RBFOX1: variants seen among roughly 807,000 people sequenced by gnomAD.
RBFOX1 encodes the protein RNA binding fox-1 homolog 1, also known as RNA binding protein fox-1 homolog 1.
Under a neutral mutation model 57.7 loss-of-function variants are expected in RBFOX1, and 8 were observed. That is an observed-to-expected ratio of 0.14 (90% CI 0.08 to 0.25). The LOEUF (loss-of-function observed/expected upper bound fraction) is 0.25. RBFOX1 is among the 10% of genes least tolerant of loss of function. RBFOX1 has a pLI of 1.00. For synonymous variants in RBFOX1, 326 were observed against 222.4 expected, an observed-to-expected ratio of 1.47 and a Z score of -4.15; for missense variants, 611 against 548.5, an observed-to-expected ratio of 1.11 and a Z score of -1.14.
rs192241978 is a variant in RBFOX1 at position 6,548,051 on chromosome 16, G to A, written c.-63-106552G>A. ...TGACAAGCTCAGACTATTCATCGTAGTAAGAATTGCAGGACCTACTATTAA... is the reference window on the plus strand; with the variant it reads ...TGACAAGCTCAGACTATTCATCGTAATAAGAATTGCAGGACCTACTATTAA... On this transcript the variant is annotated intron_variant, in intron 2 of 15. Coordinates refer to ENST00000550418, the MANE Select transcript of RBFOX1 (RefSeq NM_018723.4). Among the ~76,000 whole-genome samples, 122 of 152,252 alleles carry A rather than the reference G, an allele frequency of 8.0e-4. 1 individual carries two copies. The Middle Eastern group carries it at 0.017, about 21-fold the overall frequency.
intron 3 of RBFOX1, among the ~76,000 whole-genome samples, chr16:6,865,984 A>G (rs528673906): frequency 6.6e-6 from 1 of 152,332 alleles, no homozygotes; most frequent in Non-Finnish European, 1.5e-5. Context: ...ATTGAAAAAA[A>G]CAATCGGGGA....
At chr16:7,611,176 A>T (rs2057397640) in intron 10 of RBFOX1, among the ~76,000 whole-genome samples, 1 of 152,246 alleles carries the variant, frequency 6.6e-6, no homozygotes, top group East Asian at 1.9e-4. Flanking sequence ...AGAATGAGGC[A>T]TGAAAAGTTC....
At chr16:5,497,747 G>A (rs2151688304) in intron 2 of RBFOX1, among the ~76,000 whole-genome samples, 1 of 152,192 alleles carries the variant, frequency 6.6e-6, no homozygotes, top group African/African-American at 2.4e-5. Context: ...TTGCTCCACA[G>A]CACTCCAGCC....
intron 3 of RBFOX1, among the ~76,000 whole-genome samples, chr16:6,924,839 CCCCCTA>C (rs751349747): frequency 3.0e-5 from 3 of 101,512 alleles, no homozygotes; most frequent in Non-Finnish European, 4.2e-5. Context: ...CCCTCCCCCT[CCCCCTA>C]CCCCACAACA....
intron 2 of RBFOX1, among the ~76,000 whole-genome samples, chr16:6,623,327 G>A (rs1249510672): frequency 2.6e-5 from 4 of 152,148 alleles, no homozygotes; most frequent in Non-Finnish European, 1.5e-5. Context: ...GAGCAGAGAT[G>A]CTGAGAAGGG....
intron 2 of RBFOX1, among the ~76,000 whole-genome samples, chr16:5,483,274 C>G (rs969227134): frequency 6.6e-6 from 1 of 152,148 alleles, no homozygotes; most frequent in African/African-American, 2.4e-5. Flanking sequence ...AGACATGTGG[C>G]ACGTACTCCC....
chr16:6,207,601 T>C (rs1362114469), intron 1 of RBFOX1, among the ~76,000 whole-genome samples: 3 of 152,238 alleles, frequency 2.0e-5, no homozygotes, highest in African/African-American at 7.2e-5. Flanking sequence ...GATTGCCATA[T>C]ATTAATTTAA....
Position 5,411,584 on chromosome 16 carries a change from C to T in RBFOX1, c.220-55632C>T, listed in dbSNP as rs537518. 2.0e-3 allele frequency among the ~76,000 whole-genome samples: 297 copies of T among 152,284 alleles called. 3 individuals are homozygous for T. The highest frequency in any genetic ancestry group is 6.9e-3 in the African/African-American group (285 of 41,552). On this transcript the variant is annotated intron_variant, in intron 1 of 2. Coordinates refer to the RBFOX1 transcript ENST00000585867. ...TTGTTTGAAGACACTAAGTTTGTGG[C>T]AATTTGTTACAGCAGCAACAGAAAA... is the stretch of plus-strand genomic sequence containing the variant.
chr16:5,418,792 C>A (rs910673055), intron 1 of RBFOX1, among the ~76,000 whole-genome samples: 1 of 152,154 alleles, frequency 6.6e-6, no homozygotes, highest in Non-Finnish European at 1.5e-5. Context: ...TTATGGAGAA[C>A]CTACAATAGT....
intron 1 of RBFOX1, among the ~76,000 whole-genome samples, chr16:6,096,340 T>G (rs1270303458): frequency 6.6e-6 from 1 of 152,194 alleles, no homozygotes; most frequent in Non-Finnish European, 1.5e-5. Flanking sequence ...GTTCCCCAGA[T>G]GCATTATTGC....
rs367895176 is a variant in RBFOX1 at position 5,807,184 on chromosome 16, C to G, written c.319-60119C>G. ...ACCTCTCAGAGCCTTCTTTTTCCAC[C>G]ATGATGGAACCTACCTCCCTATTGT... On this transcript the variant is annotated intron_variant, in intron 3 of 19. Coordinates refer to the RBFOX1 transcript ENST00000641259. Among the ~76,000 whole-genome samples the G allele has an allele frequency of 9.9e-5, 15 of 152,278 alleles. No individual in the cohort carries two copies. In the East Asian group the frequency reaches 1.2e-3, roughly 12 times the overall value.
At chr16:5,898,932 A>G (rs1364322806) in intron 4 of RBFOX1, among the ~76,000 whole-genome samples, 1 of 150,616 alleles carries the variant, frequency 6.6e-6, no homozygotes, top group Non-Finnish European at 1.5e-5. Context: ...GTGTGGTGTC[A>G]TTTGCCTGTG....
chr16:5,781,174 G>C (rs2054311282), intron 3 of RBFOX1, among the ~76,000 whole-genome samples: 1 of 152,208 alleles, frequency 6.6e-6, no homozygotes, highest in African/African-American at 2.4e-5. Flanking sequence ...AAAGCTAAAA[G>C]ATAGGTGCTT....
At chr16:7,088,968 C>A (rs573548960) in intron 4 of RBFOX1, among the ~76,000 whole-genome samples, 1 of 152,298 alleles carries the variant, frequency 6.6e-6, no homozygotes, top group Admixed American at 6.5e-5. Flanking sequence ...ACTCTCTTTG[C>A]TGTAAAGGAA....
chr16:6,604,346 A>G (rs187384347), intron 2 of RBFOX1, among the ~76,000 whole-genome samples: 22 of 152,076 alleles, frequency 1.4e-4, no homozygotes, highest in African/African-American at 4.8e-4. Context: ...TATTTTTTTA[A>G]TTTATTTTTT....
At chr16:7,227,517 G>T (rs910481433) in intron 4 of RBFOX1, among the ~76,000 whole-genome samples, 1 of 152,182 alleles carries the variant, frequency 6.6e-6, no homozygotes, top group Non-Finnish European at 1.5e-5. Flanking sequence ...TGGTACTTCT[G>T]CAGCTCTTCA....
chr16:6,283,880 C>G lies in RBFOX1; in HGVS notation c.-126-33115C>G, dbSNP rs13337454. ...AATTTATTTTCTACTCCTGGCTTGC[C>G]TCACGCTAAACCGACTTTGTTTCTG... On this transcript the variant is annotated intron_variant, in intron 1 of 15. Coordinates refer to ENST00000550418, the MANE Select transcript of RBFOX1 (RefSeq NM_018723.4). Among the ~76,000 whole-genome samples the G allele has an allele frequency of 6.5e-3, 988 of 152,294 alleles. 18 individuals are homozygous for G. Among genetic ancestry groups the G allele is most frequent in the African/African-American group, 0.023 (951 of 41,546 alleles).
intron 3 of RBFOX1, among the ~76,000 whole-genome samples, chr16:5,675,032 C>A (rs146775831): frequency 0.015 from 2,246 of 152,142 alleles, 22 homozygotes; most frequent in Non-Finnish European, 0.025. Flanking sequence ...GCCTGTAGTT[C>A]CAACTACTTG....
intron 3 of RBFOX1, among the ~76,000 whole-genome samples, chr16:5,654,668 AC>A (rs2049366341): frequency 1.3e-5 from 2 of 152,116 alleles, no homozygotes; most frequent in Admixed American, 1.3e-4. Flanking sequence ...ACCTGGCATG[AC>A]AGTCCGAGAC....
Sources: gnomAD v4.1 joint callset for allele counts (sites outside exome capture counted in the v4.1 genomes callset) on GRCh38, gnomAD v4.1.1 for gene constraint, MANE v1.5 for transcripts, NCBI Gene and HGNC (gene_info 2026-07-23, HGNC 2026-07-21) for gene names.